BRF1: variants seen among roughly 807,000 people sequenced by gnomAD.
BRF1 encodes transcription factor IIIB 90 kDa subunit.
Under a neutral mutation model 81.7 loss-of-function variants are expected in BRF1, and 59 were observed. The ratio of observed to expected loss-of-function variants is 0.72; its 90% CI spans 0.59 to 0.90. The LOEUF (loss-of-function observed/expected upper bound fraction) is 0.90. Among genes scored for constraint, BRF1 ranks in the 40% least tolerant of loss-of-function variants. BRF1 has a pLI of 0.00. For synonymous variants in BRF1, 491 were observed against 395.6 expected, an observed-to-expected ratio of 1.24 and a Z score of -2.86; for missense variants, 1,050 against 936.3, an observed-to-expected ratio of 1.12 and a Z score of -1.58.
intron 5 of BRF1, among the ~76,000 whole-genome samples, chr14:105,246,373 T>C (rs2055106703): frequency 6.6e-6 from 1 of 151,804 alleles, no homozygotes; most frequent in African/African-American, 2.4e-5. Flanking sequence ...AGGATGACCA[T>C]TATCACAAAC....
intron 3 of BRF1, among the ~76,000 whole-genome samples, chr14:105,257,558 G>A (rs2140327999): frequency 6.6e-6 from 1 of 152,292 alleles, no homozygotes. Flanking sequence ...GCTGGGACGT[G>A]AGCGGTGAGG....
chr14:105,240,954 C>T (rs1423422317), intron 6 of BRF1, among the ~76,000 whole-genome samples: 2 of 152,336 alleles, frequency 1.3e-5, no homozygotes, highest in East Asian at 1.9e-4. Flanking sequence ...CGTCAGAAGC[C>T]GGGCCCCACG....
In BRF1 at chr14:105,314,939, C is replaced by A. The variant is rs1373472026; in HGVS notation, c.-162+383G>T. 2.6e-6 allele frequency: 3 copies of A among 1,146,176 alleles called. No homozygotes were observed. Among genetic ancestry groups the A allele is most frequent in the Non-Finnish European group, 3.3e-6 (3 of 917,328 alleles). The allele number at this position is 1,146,176 out of a possible 1,614,324, so 71.0% of individuals were successfully genotyped here. ...GCGCCATGGCCGAGCGAGGCCGCCT[C>A]GGCCTCCCCGGCGCGCCCGGCGCGC... On this transcript the variant is annotated intron_variant, in intron 1 of 17. Coordinates refer to the BRF1 transcript ENST00000327359.
chr14:105,248,675 G>A (rs867422238), intron 5 of BRF1: 3 of 981,784 alleles, frequency 3.1e-6, no homozygotes, highest in Middle Eastern at 5.2e-4. Context: ...CAGGGGAGCG[G>A]GTGGCAGCCC....
chr14:105,211,242 C>G lies in BRF1; in HGVS notation c.1876G>C (p.Ala626Pro). 1.2e-6 allele frequency: 2 copies of G among 1,609,486 alleles called. No homozygotes were observed. The highest frequency in any genetic ancestry group is 1.7e-6 in the Non-Finnish European group (2 of 1,178,430). ...ACGGGCCCGCTCTCCACCAGCACCG[C>G]CTGGGGCCTGGCAGGCTCAGCTCCG... ...TLGAEPARPQ[A>P]VLVESGPVSY... is the part of the protein sequence containing the mutation. Residue 626 changes from alanine to proline, a missense_variant, in exon 17 of 18, where the codon GCG becomes CCG. Transcript: ENST00000547530.
In BRF1 at chr14:105,217,764, C is replaced by T. The variant is rs755690704; in HGVS notation, c.1552G>A (p.Ala518Thr). The change falls in exon 15 of 18, where the codon GCC becomes ACC. Residue 518 changes from alanine to threonine, a missense_variant. By Grantham distance (58) the Ala-to-Thr change is moderately conservative. Around this residue, in one of 2 missense-constraint regions of BRF1, gnomAD observed 1,043 missense variants for 915.4 expected, o/e 1.14. Transcript: ENST00000547530. ...TCGATGGCCTCCCTGGCGGTACTGG[C>T]CTGAATTGGCTCCCGTCGCTTGCAA... ...KSCKRREPIQ[A>T]STAREAIEKM... 1 of 1,613,248 alleles carries T rather than the reference C, an allele frequency of 6.2e-7. No homozygotes were observed. The highest frequency in any genetic ancestry group is 8.5e-7 in the Non-Finnish European group (1 of 1,179,930).
rs145525944 is a variant in BRF1 at position 105,213,780 on chromosome 14, C to G, written c.1773-1616G>C. Among the ~76,000 whole-genome samples the G allele has an allele frequency of 7.7e-3, 1,180 of 152,278 alleles. 11 individuals are homozygous for G. The highest frequency in any genetic ancestry group is 0.025 in the African/African-American group (1,052 of 41,546). On this transcript the variant is annotated intron_variant, in intron 15 of 17. Transcript: ENST00000547530. ...CCCTGGGGGGCCAGAAAGCTCCCTA[C>G]TCCTGCAGAACCCGGCTGGAGAGAG... is the stretch of plus-strand genomic sequence containing the variant.
chr14:105,282,431 C>T (rs1383960177), intron 2 of BRF1, among the ~76,000 whole-genome samples: 4 of 152,174 alleles, frequency 2.6e-5, no homozygotes, highest in African/African-American at 7.2e-5. Flanking sequence ...CAGTAACAGT[C>T]GGAAGCTACA....
At chr14:105,225,226 C>T (rs1022724141) in intron 10 of BRF1, among the ~76,000 whole-genome samples, 6 of 152,194 alleles carry the variant, frequency 3.9e-5, no homozygotes, top group South Asian at 2.1e-4. Context: ...CAGGCCCTCC[C>T]GTGGCTCCTA....
intron 3 of BRF1, among the ~76,000 whole-genome samples, chr14:105,265,767 G>A (rs1468997520): frequency 6.6e-6 from 1 of 152,070 alleles, no homozygotes; most frequent in Non-Finnish European, 1.5e-5. Flanking sequence ...CAGGTGTGGT[G>A]GCGGGCACCT....
At position 105,249,881 on chromosome 14, in the gene BRF1, G is replaced by A. The variant is rs149839485; in HGVS notation, c.544+2626C>T. ...GGCCGAGATGGCCCTACGGTCCGAAGGCTTCTGTGAGATAGACCGGCAGAC... is the reference window on the plus strand; with the variant it reads ...GGCCGAGATGGCCCTACGGTCCGAAAGCTTCTGTGAGATAGACCGGCAGAC... On this transcript the variant is annotated intron_variant, in intron 5 of 17. Transcript: ENST00000547530. 9 of 1,611,832 alleles carry A rather than the reference G, an allele frequency of 5.6e-6. No homozygotes were observed. In the African/African-American group the frequency reaches 6.7e-5, roughly 12 times the overall value.
intron 1 of BRF1, among the ~76,000 whole-genome samples, chr14:105,307,657 CCTT>C (rs1466075385): frequency 6.6e-6 from 1 of 152,228 alleles, no homozygotes; most frequent in Non-Finnish European, 1.5e-5. Flanking sequence ...GCTTCTATGG[CCTT>C]CTCACCTTCT....
chr14:105,250,563 C>T (rs2055546147), intron 5 of BRF1: 1 of 1,614,104 alleles, frequency 6.2e-7, no homozygotes. Context: ...GAGGGGATGA[C>T]GGAAGTGCAG....
chr14:105,258,362 A>G (rs145237748), intron 3 of BRF1, among the ~76,000 whole-genome samples: 38,983 of 151,530 alleles, frequency 0.26, 5,234 homozygotes, highest in South Asian at 0.29. Context: ...GTTGGCGGGC[A>G]CCTGTAGTCC....
At chr14:105,255,323 G>C (rs1442518416) in intron 4 of BRF1, among the ~76,000 whole-genome samples, 1 of 152,254 alleles carries the variant, frequency 6.6e-6, no homozygotes, top group Non-Finnish European at 1.5e-5. Context: ...ACTATTTTTA[G>C]CTTGACCACA....
chr14:105,212,296 G>A (rs1890243223), intron 15 of BRF1, 132 bp from the exon 16 acceptor site: 11 of 1,234,458 alleles, frequency 8.9e-6, no homozygotes, highest in Non-Finnish European at 1.1e-6. Flanking sequence ...GCCTGGTTCT[G>A]CGTCCAGGTT....
chr14:105,305,278 T>C (rs774314124), upstream of BRF1, among the ~76,000 whole-genome samples: 37 of 152,146 alleles, frequency 2.4e-4, no homozygotes, highest in Non-Finnish European at 4.6e-4. Flanking sequence ...AGCATGTGTC[T>C]GTAGTCCCAG....
At chr14:105,266,860 A>G (rs2140373647) in intron 3 of BRF1, among the ~76,000 whole-genome samples, 1 of 152,226 alleles carries the variant, frequency 6.6e-6, no homozygotes. Flanking sequence ...CTTGGACAAT[A>G]CAGCAAAACC....
At chr14:105,314,289 T>C (rs1310556270) in intron 1 of BRF1, 2 of 148,062 alleles carry the variant, frequency 1.4e-5, no homozygotes, top group Non-Finnish European at 3.0e-5. Context: ...GCGGGGAGAC[T>C]CGGGGCATGG....
Sources: allele counts gnomAD v4.1 joint callset (sites outside exome capture counted in the v4.1 genomes callset), GRCh38; gene constraint gnomAD v4.1.1; regional missense constraint gnomAD v4.1.1; transcripts MANE v1.5; gene names NCBI Gene and HGNC (gene_info 2026-07-23, HGNC 2026-07-21).